The following CDH18 variants were observed in gnomAD, a reference collection of about 807,000 sequenced individuals.
The protein encoded by CDH18 is cadherin 18.
CDH18 carries 31 observed loss-of-function variants against 67.9 expected under a neutral mutation model. That is an observed-to-expected ratio of 0.46 (90% CI 0.34 to 0.62). The LOEUF (loss-of-function observed/expected upper bound fraction) is 0.62, where lower values mean the gene tolerates loss of function less well. Ranked by LOEUF, CDH18 falls within the 20% of genes least tolerant of loss-of-function variation. The pLI is 0.01. For missense variants in CDH18, 890 were observed against 975.5 expected, an observed-to-expected ratio of 0.91 and a Z score of 1.17; for synonymous variants, 362 against 347.2, an observed-to-expected ratio of 1.04 and a Z score of -0.48.
chr5:19,652,038 T>G (rs970020076), intron 5 of CDH18, among the ~76,000 whole-genome samples: 5 of 149,840 alleles, frequency 3.3e-5, no homozygotes, highest in Admixed American at 1.3e-4. Flanking sequence ...CTATTCATGT[T>G]ACTACTAACA....
At chr5:20,014,710 A>G (rs1737734003) in intron 2 of CDH18, among the ~76,000 whole-genome samples, 1 of 152,184 alleles carries the variant, frequency 6.6e-6, no homozygotes, top group African/African-American at 2.4e-5. Flanking sequence ...GAAGTGGAAC[A>G]TAAGTAGAAG....
chr5:20,072,886 T>C (rs1256381526), intron 2 of CDH18, among the ~76,000 whole-genome samples: 1 of 152,034 alleles, frequency 6.6e-6, no homozygotes, highest in Non-Finnish European at 1.5e-5. Flanking sequence ...TTTTCATATA[T>C]ACGTATATTG....
chr5:19,773,234 C>T (rs1184993687), intron 3 of CDH18, among the ~76,000 whole-genome samples: 1 of 152,078 alleles, frequency 6.6e-6, no homozygotes, highest in Non-Finnish European at 1.5e-5. Flanking sequence ...AATGGAATAT[C>T]ATTCAGAACA....
At chr5:19,631,439 G>T (rs552863354) in intron 5 of CDH18, among the ~76,000 whole-genome samples, 1 of 151,862 alleles carries the variant, frequency 6.6e-6, no homozygotes, top group Non-Finnish European at 1.5e-5. Flanking sequence ...TAAGTCCTAC[G>T]TTTAAGAAAT....
chr5:20,013,369 G>C (rs1189002522), intron 2 of CDH18, among the ~76,000 whole-genome samples: 2 of 151,988 alleles, frequency 1.3e-5, no homozygotes, highest in Non-Finnish European at 2.9e-5. Context: ...TACTTTTAAG[G>C]ACAGGTTATA....
At chr5:19,640,941 G>A (rs1225877871) in intron 5 of CDH18, among the ~76,000 whole-genome samples, 1 of 151,660 alleles carries the variant, frequency 6.6e-6, no homozygotes, top group Non-Finnish European at 1.5e-5. Flanking sequence ...TAGCTGGAAT[G>A]AGAAAAAAAG....
At chr5:20,336,680 A>C (rs998304269) in intron 1 of CDH18, among the ~76,000 whole-genome samples, 2 of 134,916 alleles carry the variant, frequency 1.5e-5, no homozygotes, top group Admixed American at 1.7e-4. Context: ...CCGAGATCAC[A>C]CCACTGCACT....
intron 7 of CDH18, among the ~76,000 whole-genome samples, chr5:19,576,864 T>G (rs1561386156): frequency 6.6e-6 from 1 of 152,158 alleles, no homozygotes; most frequent in Non-Finnish European, 1.5e-5. Flanking sequence ...ATAAAAGGAT[T>G]TTAAAAAATT....
intron 5 of CDH18, among the ~76,000 whole-genome samples, chr5:19,668,145 T>C (rs1402364254): frequency 2.0e-5 from 3 of 152,072 alleles, no homozygotes; most frequent in African/African-American, 7.2e-5. Flanking sequence ...TCTGAAATAA[T>C]TGCTTGGGCA....
At chr5:20,512,884 CAAAA>C (rs71695578) in intron 1 of CDH18, among the ~76,000 whole-genome samples, 4 of 125,822 alleles carry the variant, frequency 3.2e-5, no homozygotes, top group Non-Finnish European at 5.1e-5. Flanking sequence ...ACTCTGTCTC[CAAAA>C]AAAAAAAAAA....
chr5:20,240,503 T>G (rs1455896157), intron 2 of CDH18, among the ~76,000 whole-genome samples: 1 of 152,166 alleles, frequency 6.6e-6, no homozygotes, highest in Non-Finnish European at 1.5e-5. Flanking sequence ...TATACATACC[T>G]CAGCAAAATT....
At chr5:20,234,542 TA>T (rs1742329503) in intron 2 of CDH18, among the ~76,000 whole-genome samples, 1 of 152,104 alleles carries the variant, frequency 6.6e-6, no homozygotes, top group South Asian at 2.1e-4. Context: ...TGGCCATCTG[TA>T]AACCAGAAAG....
At chr5:20,049,141 T>A (rs1239115928) in intron 2 of CDH18, among the ~76,000 whole-genome samples, 1 of 151,596 alleles carries the variant, frequency 6.6e-6, no homozygotes, top group African/African-American at 2.4e-5. Flanking sequence ...TAACAGCTAA[T>A]AAAATATAAA....
chr5:20,218,765 C>T (rs1580506516), intron 2 of CDH18, among the ~76,000 whole-genome samples: 2 of 151,934 alleles, frequency 1.3e-5, no homozygotes, highest in Admixed American at 6.6e-5. Context: ...TTTCACCTCC[C>T]GCCATGATTC....
intron 2 of CDH18, among the ~76,000 whole-genome samples, chr5:20,182,329 G>A (rs1737747703): frequency 6.6e-6 from 1 of 151,886 alleles, no homozygotes; most frequent in African/African-American, 2.4e-5. Flanking sequence ...TCAGCCGCGT[G>A]CAATGGCTCA....
chr5:20,079,852 G>A (rs970677950), intron 2 of CDH18, among the ~76,000 whole-genome samples: 2 of 152,076 alleles, frequency 1.3e-5, no homozygotes, highest in African/African-American at 2.4e-5. Context: ...TGTCTGATGA[G>A]GCCATAGTTT....
intron 5 of CDH18, among the ~76,000 whole-genome samples, chr5:19,703,400 GA>G (rs1763522865): frequency 6.6e-6 from 1 of 152,162 alleles, no homozygotes; most frequent in African/African-American, 2.4e-5. Flanking sequence ...CAATGATGAT[GA>G]GGAGGAAGGA....
chr5:19,861,362 C>T (rs1381754771), intron 2 of CDH18, among the ~76,000 whole-genome samples: 1 of 152,014 alleles, frequency 6.6e-6, no homozygotes, highest in African/African-American at 2.4e-5. Flanking sequence ...GTGGTGTACC[C>T]AGGAGCCGGG....
intron 2 of CDH18, among the ~76,000 whole-genome samples, chr5:20,017,286 A>G (rs1440476101): frequency 6.6e-6 from 1 of 152,130 alleles, no homozygotes; most frequent in Non-Finnish European, 1.5e-5. Flanking sequence ...GCACTATGGT[A>G]GGAAAATAAA....
Sources: allele counts gnomAD v4.1 joint callset (sites outside exome capture counted in the v4.1 genomes callset), GRCh38; gene constraint gnomAD v4.1.1; transcripts MANE v1.5; gene names NCBI Gene and HGNC (gene_info 2026-07-23, HGNC 2026-07-21).